The following IRAK1BP1 variants were observed in gnomAD, a reference collection of about 807,000 sequenced individuals.
IRAK1BP1 encodes interleukin 1 receptor associated kinase 1 binding protein 1.
In IRAK1BP1, 24 loss-of-function variants were observed where a neutral mutation model predicts 28.0. That is an observed-to-expected ratio of 0.86 (90% CI 0.62 to 1.20). The LOEUF is 1.20. Ranked by LOEUF, IRAK1BP1 falls within the 50% of genes most tolerant of loss-of-function variation. The pLI is 0.00. For synonymous variants in IRAK1BP1, 131 were observed against 116.3 expected, an observed-to-expected ratio of 1.13 and a Z score of -0.81; for missense variants, 336 against 316.7, an observed-to-expected ratio of 1.06 and a Z score of -0.46.
At position 78,901,969 on chromosome 6, in the gene IRAK1BP1, A is replaced by ATT. The variant is rs1772117927; in HGVS notation, c.*3636_*3637insTT. The ATT allele has an allele frequency of 6.6e-6, 1 of 152,226 alleles. No individual in the cohort carries two copies. Among genetic ancestry groups the ATT allele is most frequent in the African/African-American group, 2.4e-5 (1 of 41,452 alleles). The allele number at this position is 152,226 out of a possible 1,614,324, so 9.4% of individuals were successfully genotyped here. On this transcript the variant is annotated 3_prime_UTR_variant, in exon 4 of 4. Coordinates refer to ENST00000369940, the MANE Select transcript of IRAK1BP1 (RefSeq NM_001010844.4). ...TAATAGTAAGGAGTTCTTATAGCCT[A>ATT]TAAAAAGCATGAATTATGAGATCAA...
the IRAK1BP1 span, chr6:78,970,102 A>G: frequency 6.2e-7 from 1 of 1,613,502 alleles, no homozygotes; most frequent in Non-Finnish European, 8.5e-7. Flanking sequence ...CTAGAAAAGC[A>G]AGTTTAAGGC....
the IRAK1BP1 span, among the ~76,000 whole-genome samples, chr6:78,977,552 G>C: frequency 1.3e-5 from 2 of 151,040 alleles, no homozygotes; most frequent in Admixed American, 1.3e-4. Context: ...CAGTTGTCTG[G>C]AACTTTAAAT....
At chr6:78,871,836 T>C (rs1770803197) in intron 1 of IRAK1BP1, 2 of 420,584 alleles carry the variant, frequency 4.8e-6, no homozygotes, top group East Asian at 7.7e-5. Flanking sequence ...GTAGGGAAGA[T>C]GTCACTGATG....
intron 4 of IRAK1BP1, among the ~76,000 whole-genome samples, chr6:78,925,395 CAAAT>C (rs1383023285): frequency 1.3e-5 from 2 of 152,104 alleles, no homozygotes; most frequent in African/African-American, 4.8e-5. Context: ...GGACACTTCT[CAAAT>C]AAAGACATAC....
the IRAK1BP1 span, chr6:78,956,920 A>G: frequency 1.3e-5 from 2 of 152,100 alleles, 1 homozygote; most frequent in Admixed American, 1.3e-4. Flanking sequence ...AAAAGGATCC[A>G]TCACATTACT....
chr6:78,876,718 A>C (rs1473182421), intron 1 of IRAK1BP1, among the ~76,000 whole-genome samples: 1 of 152,138 alleles, frequency 6.6e-6, no homozygotes, highest in Non-Finnish European at 1.5e-5. Context: ...TGGCAGGTCC[A>C]TGTCTGAGGA....
chr6:78,875,953 G>A (rs1199550380), intron 1 of IRAK1BP1, among the ~76,000 whole-genome samples: 1 of 152,110 alleles, frequency 6.6e-6, no homozygotes, highest in East Asian at 1.9e-4. Context: ...TTTTCTTCTT[G>A]TTTACTTTTT....
intron 4 of IRAK1BP1, among the ~76,000 whole-genome samples, chr6:78,923,441 G>C (rs529302028): frequency 5.3e-5 from 8 of 152,280 alleles, no homozygotes; most frequent in Admixed American, 5.2e-4. Flanking sequence ...GACCTACAAA[G>C]AGACTTTGAC....
At chr6:78,969,981 A>T in the IRAK1BP1 span, 1 of 1,587,838 alleles carries the variant, frequency 6.3e-7, no homozygotes, top group South Asian at 1.1e-5. Context: ...AGATGTTCAA[A>T]TGTATCTGAA....
intron 2 of IRAK1BP1, among the ~76,000 whole-genome samples, chr6:78,895,217 C>T (rs917681012): frequency 2.6e-5 from 4 of 151,902 alleles, no homozygotes; most frequent in African/African-American, 9.7e-5. Flanking sequence ...CCCAAATATG[C>T]TGAATTTTAA....
rs190057660 is a variant in IRAK1BP1, at chr6:78,925,279, C to T, written c.*68-20129C>T. ...GGCACATGTATACATATGTAACAAA[C>T]CTGCACATTGTGGACATGTACCCTA... is the stretch of plus-strand genomic sequence containing the variant. On this transcript the variant is annotated intron_variant and NMD_transcript_variant, in intron 4 of 4. Transcript: ENST00000606868. 5.3e-5 allele frequency among the ~76,000 whole-genome samples: 8 copies of T among 152,038 alleles called. No homozygotes were observed. In the South Asian group the frequency reaches 8.3e-4, roughly 16 times the overall value.
chr6:78,889,121 AAAAAAAAAAAAAAG>A (rs927840420), intron 2 of IRAK1BP1, among the ~76,000 whole-genome samples: 74 of 146,028 alleles, frequency 5.1e-4, no homozygotes, highest in African/African-American at 1.8e-3. Context: ...TGTCTCAAAA[AAAAAAAAAAAAAAG>A]AAAGAAAGAA....
chr6:78,940,648 C>G, intron 4 of IRAK1BP1: 4 of 1,139,182 alleles, frequency 3.5e-6, no homozygotes, highest in Non-Finnish European at 4.7e-6. Flanking sequence ...TATTCCTTAA[C>G]TGTACCTGCT....
chr6:78,947,806 T>G (rs1394789896), downstream of IRAK1BP1: 16 of 1,511,696 alleles, frequency 1.1e-5, no homozygotes, highest in Non-Finnish European at 1.5e-5. Context: ...GGTGTTATGA[T>G]TATTACTACA....
At chr6:78,868,632 TC>T (rs1256126766) in intron 1 of IRAK1BP1, among the ~76,000 whole-genome samples, 1 of 152,210 alleles carries the variant, frequency 6.6e-6, no homozygotes, top group African/African-American at 2.4e-5. Context: ...CATCATTTAA[TC>T]CACACAATAG....
chr6:78,945,457 A>G (rs1414316482), exon 5 of IRAK1BP1: 1 of 1,611,050 alleles, frequency 6.2e-7, no homozygotes, highest in Non-Finnish European at 8.5e-7. Context: ...GACTGGAAAG[A>G]GTATTCAAAG....
rs975472016 is a variant in IRAK1BP1, at chr6:78,875,378, G to A, written c.315+7487G>A. On this transcript the variant is annotated intron_variant, in intron 1 of 3. Transcript: ENST00000369940. Reference sequence around the variant, plus strand: ...CATTTGACCTGGCAATCTCTTTGCCGGGCCTATACCCAAAGGTAAATAAAT... The same window carrying A: ...CATTTGACCTGGCAATCTCTTTGCCAGGCCTATACCCAAAGGTAAATAAAT... 5.1e-4 allele frequency among the ~76,000 whole-genome samples: 78 copies of A among 152,086 alleles called. 1 individual carries two copies. The highest frequency in any genetic ancestry group is 5.4e-4 in the Non-Finnish European group (37 of 68,024).
At chr6:78,971,361 T>C in the IRAK1BP1 span, among the ~76,000 whole-genome samples, 2 of 152,220 alleles carry the variant, frequency 1.3e-5, no homozygotes, top group Admixed American at 6.5e-5. Context: ...CAAATTTAAG[T>C]GACTCCTGAC....
downstream of IRAK1BP1, chr6:78,947,520 G>A (rs1773892272): frequency 6.8e-6 from 4 of 590,782 alleles, no homozygotes; most frequent in East Asian, 1.2e-4. Context: ...GAATGTAACA[G>A]AAAGTTAACT....
Sources: gnomAD v4.1 joint callset for allele counts (sites outside exome capture counted in the v4.1 genomes callset) on GRCh38, gnomAD v4.1.1 for gene constraint, MANE v1.5 for transcripts, NCBI Gene and HGNC (gene_info 2026-07-23, HGNC 2026-07-21) for gene names.